The following GOLM1 variants were observed in gnomAD, a reference collection of about 807,000 sequenced individuals.
The protein encoded by GOLM1 is epididymis luminal protein 46.
A neutral mutation model predicts 50.5 loss-of-function variants in GOLM1; 31 were observed. That is an observed-to-expected ratio of 0.61 (90% CI 0.46 to 0.83). The LOEUF (loss-of-function observed/expected upper bound fraction) is 0.83, where lower values mean the gene tolerates loss of function less well. GOLM1 is among the 40% of genes least tolerant of loss of function. The pLI is 0.00. For synonymous variants in GOLM1, 178 were observed against 192.8 expected, an observed-to-expected ratio of 0.92 and a Z score of 0.64; for missense variants, 491 against 501.3, an observed-to-expected ratio of 0.98 and a Z score of 0.20.
intron 3 of GOLM1, among the ~76,000 whole-genome samples, chr9:86,063,690 T>A (rs1212369082): frequency 6.6e-6 from 1 of 152,060 alleles, no homozygotes; most frequent in Non-Finnish European, 1.5e-5. Context: ...CGGAGTCAAT[T>A]CCAAGTCACT....
chr9:86,046,296 T>C (rs780798360), intron 5 of GOLM1, among the ~76,000 whole-genome samples, 174 bp downstream of exon 5: 3 of 152,228 alleles, frequency 2.0e-5, no homozygotes, highest in African/African-American at 2.4e-5. Flanking sequence ...TGCTGAGAGC[T>C]GGCCTCCTTG....
At position 86,027,720 on chromosome 9, in the gene GOLM1, A is replaced by G; in HGVS notation, c.*97T>C. 6.7e-7 allele frequency: 1 copy of G among 1,484,236 alleles called. No individual in the cohort carries two copies. The highest frequency in any genetic ancestry group is 9.0e-7 in the Non-Finnish European group (1 of 1,116,334). The allele number at this position is 1,484,236 out of a possible 1,614,324, so 91.9% of individuals were successfully genotyped here. A position where few individuals can be genotyped will look rare whatever the true frequency, so the allele number is the denominator to read the frequency against. The stretch of plus-strand genomic sequence containing the variant: ...ATAATCATCTTCAGATGTACATTTT[A>G]TTTAGTACATTTCACAGTTTTCAGT... On this transcript the variant is annotated 3_prime_UTR_variant, in exon 10 of 10. Transcript: ENST00000388712.
chr9:86,066,482 GCAATCTTTTTGTTTTAACT>G (rs1281398165), intron 3 of GOLM1, among the ~76,000 whole-genome samples: 1 of 152,158 alleles, frequency 6.6e-6, no homozygotes, highest in African/African-American at 2.4e-5. Context: ...CTTCCACTCA[GCAATCTTTTTGTTTTAACT>G]CAGTTGCTCC....
chr9:86,031,919 C>A (rs1341732940), intron 9 of GOLM1, among the ~76,000 whole-genome samples: 2 of 139,922 alleles, frequency 1.4e-5, no homozygotes, highest in Non-Finnish European at 3.1e-5. Context: ...GAGCGAGACT[C>A]CATCTCAAAA....
chr9:86,052,587 A>G lies in GOLM1; in HGVS notation c.314T>C (p.Val105Ala). The G allele has an allele frequency of 6.2e-7, 1 of 1,613,482 alleles. No homozygotes were observed. Among genetic ancestry groups the G allele is most frequent in the Non-Finnish European group, 8.5e-7 (1 of 1,179,494 alleles). The change falls in exon 4 of 10, where the codon GTT becomes GCT. Residue 105 changes from valine to alanine, a missense_variant. Physicochemically the swap from Val to Ala is moderately conservative, Grantham distance 64 (BLOSUM62 0). Coordinates refer to ENST00000388712, the MANE Select transcript of GOLM1 (RefSeq NM_016548.4). ...VNKLYQDEKAVLVNNITTGER... is the reference protein window; with the variant it reads ...VNKLYQDEKAALVNNITTGER... Reference sequence around the variant, plus strand: ...ACCTGTGGTGATGTTATTCACCAAAACCGCCTGCAACGAAGATAAACTCGC... The same window carrying G: ...ACCTGTGGTGATGTTATTCACCAAAGCCGCCTGCAACGAAGATAAACTCGC...
intron 4 of GOLM1, among the ~76,000 whole-genome samples, chr9:86,051,354 G>T (rs1833744095): frequency 6.6e-6 from 1 of 152,204 alleles, no homozygotes; most frequent in South Asian, 2.1e-4. Context: ...ATTTGGGGTG[G>T]AGAGTTCTAT....
At chr9:86,055,811 T>C (rs146497911) in intron 3 of GOLM1, among the ~76,000 whole-genome samples, 406 of 152,246 alleles carry the variant, frequency 2.7e-3, no homozygotes, top group Non-Finnish European at 4.8e-3. Context: ...AATTGGTGTT[T>C]AGTGAGCATC....
chr9:86,032,216 G>A (rs1833008327), intron 9 of GOLM1, among the ~76,000 whole-genome samples: 1 of 152,146 alleles, frequency 6.6e-6, no homozygotes, highest in African/African-American at 2.4e-5. Flanking sequence ...TGCCCAGGCT[G>A]GAGTGCAGCG....
chr9:86,036,104 C>T (rs1833134036), intron 7 of GOLM1, among the ~76,000 whole-genome samples: 1 of 151,610 alleles, frequency 6.6e-6, no homozygotes, highest in Non-Finnish European at 1.5e-5. Context: ...CAATGTCCTG[C>T]ATAAAGGTGC....
chr9:86,089,067 A>G (rs777637976), intron 1 of GOLM1, among the ~76,000 whole-genome samples: 1 of 152,060 alleles, frequency 6.6e-6, no homozygotes, highest in African/African-American at 2.4e-5. Flanking sequence ...AGTTCTTTTA[A>G]GAATGTTGAA....
intron 3 of GOLM1, among the ~76,000 whole-genome samples, chr9:86,053,964 A>G (rs13298841): frequency 0.44 from 66,535 of 151,862 alleles, 15,905 homozygotes; most frequent in Non-Finnish European, 0.56. Context: ...ACTAAAAAAG[A>G]AAAGGGAATG....
chr9:86,040,615 C>G, intron 6 of GOLM1, 124 bp downstream of exon 6: 1 of 870,870 alleles, frequency 1.1e-6, no homozygotes, highest in Non-Finnish European at 1.8e-6. Flanking sequence ...TCTGTTATAT[C>G]TCAGGGAGCC....
chr9:86,062,469 G>C (rs1563960545), intron 3 of GOLM1, among the ~76,000 whole-genome samples: 1 of 151,342 alleles, frequency 6.6e-6, no homozygotes. Context: ...GGAGGACAGA[G>C]GGAAGGGAGG....
chr9:86,079,058 A>T, intron 2 of GOLM1, 134 bp downstream of exon 2: 1 of 741,244 alleles, frequency 1.3e-6, no homozygotes, highest in Non-Finnish European at 2.1e-6. Context: ...AGAGCCCTAA[A>T]CTCACCTTAC....
intron 9 of GOLM1, among the ~76,000 whole-genome samples, chr9:86,028,992 G>A (rs1293350579): frequency 6.6e-6 from 1 of 152,030 alleles, no homozygotes; most frequent in Admixed American, 6.6e-5. Flanking sequence ...GGGACTACAG[G>A]CGCCCGCCAC....
intron 9 of GOLM1, among the ~76,000 whole-genome samples, chr9:86,030,218 CAAAAAAAAAAA>C (rs35215928): frequency 4.1e-5 from 3 of 73,442 alleles, no homozygotes; most frequent in South Asian, 1.0e-3. Flanking sequence ...GACTCTGTCT[CAAAAAAAAAAA>C]AAAAAAAAAA....
intron 4 of GOLM1, 94 bp from the exon 5 acceptor site, chr9:86,046,666 C>G: frequency 1.3e-6 from 1 of 756,550 alleles, no homozygotes; most frequent in Non-Finnish European, 2.4e-6. Context: ...CACATCAGAC[C>G]ATAAAGGGCA....
At chr9:86,074,034 G>A (rs796287459) in intron 3 of GOLM1, among the ~76,000 whole-genome samples, 33 of 152,196 alleles carry the variant, frequency 2.2e-4, no homozygotes, top group African/African-American at 7.9e-4. Flanking sequence ...CCTACCCAGA[G>A]TGACAGTGAC....
intron 1 of GOLM1, among the ~76,000 whole-genome samples, chr9:86,084,537 T>G (rs1834889443): frequency 6.6e-6 from 1 of 152,142 alleles, no homozygotes; most frequent in Non-Finnish European, 1.5e-5. Flanking sequence ...GTTAAAAAGA[T>G]ATTACCAAGG....
Sources: gnomAD v4.1 joint callset for allele counts (sites outside exome capture counted in the v4.1 genomes callset) on GRCh38, gnomAD v4.1.1 for gene constraint, MANE v1.5 for transcripts, NCBI Gene and HGNC (gene_info 2026-07-23, HGNC 2026-07-21) for gene names.